The following CNTNAP5 variants were observed in gnomAD, a reference collection of about 807,000 sequenced individuals.
CNTNAP5 encodes contactin-associated protein-like 5.
Under a neutral mutation model 150.2 loss-of-function variants are expected in CNTNAP5, and 72 were observed. The observed-to-expected ratio is 0.48, with a 90% CI of 0.40 to 0.58. The LOEUF is 0.58. Among genes scored for constraint, CNTNAP5 ranks in the 20% least tolerant of loss-of-function variants. The pLI, the probability that CNTNAP5 is intolerant of heterozygous loss-of-function variation, is 0.00. For synonymous variants in CNTNAP5, 672 were observed against 619.8 expected, an observed-to-expected ratio of 1.08 and a Z score of -1.25; for missense variants, 1,636 against 1,626.2, an observed-to-expected ratio of 1.01 and a Z score of -0.10.
At chr2:124,732,090 A>G (rs1680284456) in intron 13 of CNTNAP5, among the ~76,000 whole-genome samples, 1 of 152,118 alleles carries the variant, frequency 6.6e-6, no homozygotes, top group Non-Finnish European at 1.5e-5. Flanking sequence ...AATGCAAAAT[A>G]GCAGCTTGTC....
At chr2:124,657,008 T>C (rs1178812892) in intron 13 of CNTNAP5, among the ~76,000 whole-genome samples, 1 of 152,244 alleles carries the variant, frequency 6.6e-6, no homozygotes, top group Non-Finnish European at 1.5e-5. Context: ...ATGCCATGTC[T>C]GGCACAGAGT....
Position 124,524,421 on chromosome 2 carries a change from G to T in CNTNAP5, c.1446G>T (p.Gln482His). 6.2e-7 allele frequency: 1 copy of T among 1,613,354 alleles called. No homozygotes were observed. The highest frequency in any genetic ancestry group is 8.5e-7 in the Non-Finnish European group (1 of 1,179,588). The change falls in exon 9 of 24, where the codon CAG becomes CAT. Residue 482 changes from glutamine to histidine, a missense_variant. By Grantham distance (24) the Gln-to-His change is conservative (BLOSUM62 0). Transcript: ENST00000682447. ...APPAPDSTWV[Q>H]IYSGNSYYFG... ...CGGCTCCAGACAGCACTTGGGTGCA[G>T]ATTTATTCTGGAAATAGCTACTATT... is the stretch of plus-strand genomic sequence containing the variant.
intron 19 of CNTNAP5, among the ~76,000 whole-genome samples, chr2:124,838,118 T>C (rs542015528): frequency 6.6e-6 from 1 of 152,254 alleles, no homozygotes; most frequent in East Asian, 1.9e-4. Context: ...TCAGAGGGAT[T>C]AAAAAATAAT....
intron 1 of CNTNAP5, among the ~76,000 whole-genome samples, chr2:124,139,367 T>C (rs982218184): frequency 4.6e-5 from 7 of 152,156 alleles, no homozygotes; most frequent in Middle Eastern, 3.4e-3. Flanking sequence ...TAAAGAATTG[T>C]TCCCATTTGA....
chr2:124,606,368 T>C (rs1323461362), intron 11 of CNTNAP5, among the ~76,000 whole-genome samples: 1 of 148,916 alleles, frequency 6.7e-6, no homozygotes, highest in Non-Finnish European at 1.5e-5. Flanking sequence ...CTTGTAAAAG[T>C]AAAAAAAAAA....
chr2:124,776,183 A>G (rs983204599), intron 17 of CNTNAP5, among the ~76,000 whole-genome samples: 1 of 152,174 alleles, frequency 6.6e-6, no homozygotes, highest in African/African-American at 2.4e-5. Flanking sequence ...GATCTTTCAA[A>G]ATATGCGGCA....
intron 13 of CNTNAP5, among the ~76,000 whole-genome samples, chr2:124,713,291 TTC>T (rs1558746783): frequency 7.8e-6 from 1 of 127,652 alleles, no homozygotes; most frequent in African/African-American, 2.7e-5. Context: ...CTTTCTTTCT[TTC>T]TTTCTTTCTT....
At chr2:124,042,783 C>CATCTATCTATCTATCTATCT (rs3036301) in intron 1 of CNTNAP5, among the ~76,000 whole-genome samples, 3 of 148,232 alleles carry the variant, frequency 2.0e-5, no homozygotes, top group South Asian at 2.2e-4. Flanking sequence ...AACTCTCTAT[C>CATCTATCTATCTATCTATCT]ATCTATCTAT....
intron 22 of CNTNAP5, among the ~76,000 whole-genome samples, chr2:124,904,199 A>G (rs1222180769): frequency 6.6e-6 from 1 of 151,956 alleles, no homozygotes; most frequent in Non-Finnish European, 1.5e-5. Flanking sequence ...TGACTTTTTT[A>G]GATTCCACAT....
At chr2:124,520,203 A>G (rs1573432407) in intron 8 of CNTNAP5, among the ~76,000 whole-genome samples, 1 of 152,176 alleles carries the variant, frequency 6.6e-6, no homozygotes, top group Non-Finnish European at 1.5e-5. Context: ...ATGATGTTTA[A>G]TGACTACATT....
At chr2:124,529,207 C>A (rs370696098) in intron 10 of CNTNAP5, among the ~76,000 whole-genome samples, 10 of 151,952 alleles carry the variant, frequency 6.6e-5, no homozygotes, top group Admixed American at 2.6e-4. Flanking sequence ...TTAGTAATGG[C>A]GAGGGAGAAG....
intron 13 of CNTNAP5, among the ~76,000 whole-genome samples, chr2:124,710,508 C>G (rs1372573445): frequency 1.3e-5 from 2 of 152,112 alleles, no homozygotes; most frequent in African/African-American, 4.8e-5. Flanking sequence ...AACAAGAGAA[C>G]CTATCATCCA....
intron 3 of CNTNAP5, among the ~76,000 whole-genome samples, chr2:124,326,035 G>T (rs997960334): frequency 3.3e-5 from 5 of 152,030 alleles, no homozygotes; most frequent in African/African-American, 1.2e-4. Flanking sequence ...GTATAAGGAG[G>T]ATAAATGAAG....
chr2:124,489,351 C>T (rs1479209899), intron 7 of CNTNAP5, among the ~76,000 whole-genome samples: 3 of 152,162 alleles, frequency 2.0e-5, no homozygotes, highest in African/African-American at 7.2e-5. Flanking sequence ...GCCCTCTTCT[C>T]CCTGTCTTCA....
At chr2:124,462,227 G>A (rs1368530502) in intron 6 of CNTNAP5, among the ~76,000 whole-genome samples, 1 of 152,102 alleles carries the variant, frequency 6.6e-6, no homozygotes, top group Non-Finnish European at 1.5e-5. Flanking sequence ...TTCCCTCTGA[G>A]GAGAGAAAAT....
intron 1 of CNTNAP5, among the ~76,000 whole-genome samples, chr2:124,149,403 C>CA (rs71394025): frequency 0.062 from 5,157 of 82,586 alleles, 567 homozygotes; most frequent in African/African-American, 0.19. Flanking sequence ...GCGTCAATTG[C>CA]AAAAAAAAAA....
intron 3 of CNTNAP5, among the ~76,000 whole-genome samples, chr2:124,278,305 A>T (rs2104620108): frequency 6.6e-6 from 1 of 152,272 alleles, no homozygotes; most frequent in East Asian, 1.9e-4. Flanking sequence ...ACTTGAAGAT[A>T]AAAAAATAAT....
chr2:124,529,463 G>A (rs111534885), intron 10 of CNTNAP5, among the ~76,000 whole-genome samples: 1 of 152,068 alleles, frequency 6.6e-6, no homozygotes, highest in Non-Finnish European at 1.5e-5. Flanking sequence ...GTTTAGTTTC[G>A]TGAGTAAGTG....
intron 19 of CNTNAP5, among the ~76,000 whole-genome samples, chr2:124,834,924 G>A (rs1008048330): frequency 2.6e-5 from 4 of 151,700 alleles, no homozygotes; most frequent in African/African-American, 7.2e-5. Context: ...CAGTTCTCTA[G>A]TGACCTTGGT....
Sources: gnomAD v4.1 joint callset for allele counts (sites outside exome capture counted in the v4.1 genomes callset) on GRCh38, gnomAD v4.1.1 for gene constraint, MANE v1.5 for transcripts, NCBI Gene and HGNC (gene_info 2026-07-23, HGNC 2026-07-21) for gene names.